Variants in TIGD7 observed in about 807,000 individuals in gnomAD.
TIGD7 encodes tigger transposable element-derived protein 7.
Under a neutral mutation model 24.8 loss-of-function variants are expected in TIGD7, and 26 were observed. That is an observed-to-expected ratio of 1.05 (90% confidence interval 0.77 to 1.45). The LOEUF is 1.45. TIGD7 is among the 40% of genes most tolerant of loss of function. TIGD7 has a pLI of 0.00. For missense variants in TIGD7, 679 were observed against 641.6 expected (o/e 1.06, Z -0.63); for synonymous variants, 221 against 224.1 (o/e 0.99, Z 0.12).
chr16:3,302,626 G>A (rs1959971012), intron 1 of TIGD7, among the ~76,000 whole-genome samples: 1 of 152,146 alleles, frequency 6.6e-6, no homozygotes, highest in East Asian at 1.9e-4. Flanking sequence ...CTATAATTAA[G>A]GCAGTTAGTA....
chr16:3,300,595 T>C lies in TIGD7; in HGVS notation c.20A>G (p.Tyr7Cys). The change falls in exon 2 of 2, where the codon TAT (tyrosine) becomes TGT (cysteine). Residue 7 changes from tyrosine (Y) to cysteine (C), a missense_variant. Tyr to Cys is a radical substitution (Grantham distance 194). Coordinates refer to ENST00000396862, the MANE Select transcript of TIGD7 (RefSeq NM_033208.4). Reference protein sequence around the residue: MNKRGKYTTLNLEEKMK... With the variant: MNKRGKCTTLNLEEKMK... Reference sequence around the variant, plus strand: ...TTTCTCCTCCAAATTCAGTGTTGTATATTTCCCTCTCTTATTCATACTGAA... The same window carrying C: ...TTTCTCCTCCAAATTCAGTGTTGTACATTTCCCTCTCTTATTCATACTGAA... 3 of 1,585,708 alleles carry C rather than the reference T, an allele frequency of 1.9e-6. No individual in the cohort carries two copies. Among genetic ancestry groups the C allele is most frequent in the Non-Finnish European group, 2.6e-6 (3 of 1,167,718 alleles).
rs375576875 is a variant in TIGD7, at chr16:3,303,779, A to C, written c.-1396+1433T>G. The C allele has an allele frequency of 2.0e-5, 3 of 152,318 alleles. No homozygotes were observed. The East Asian group carries it at 5.8e-4, about 29-fold the overall frequency. 9.4% of individuals were successfully genotyped at this position (152,318 alleles called of 1,614,324 possible). ...CTTACCTTAGATGAACTGCCATAGA[A>C]AGCAGCTCAGTCCAAAACGCTCAAA... is the stretch of plus-strand genomic sequence containing the variant. On this transcript the variant is annotated intron_variant, in intron 1 of 1. Coordinates refer to ENST00000396862, the MANE Select transcript of TIGD7 (RefSeq NM_033208.4).
chr16:3,305,334 C>G lies in TIGD7; in HGVS notation c.-1518G>C, dbSNP rs1430411844. ...CCACGCGGTGAGCCGGTACAAGGCC[C>G]TCTAGGCTTCAGCGGGTCTGGATAC... On this transcript the variant is annotated 5_prime_UTR_variant, in exon 1 of 2. Transcript: ENST00000396862. 2 of 152,334 alleles carry G rather than the reference C, an allele frequency of 1.3e-5. No individual in the cohort carries two copies. Among genetic ancestry groups the G allele is most frequent in the Non-Finnish European group, 2.9e-5 (2 of 68,080 alleles). The allele number at this position is 152,334 out of a possible 1,614,324, so 9.4% of individuals were successfully genotyped here. A position where few individuals can be genotyped will look rare whatever the true frequency, so the allele number is the denominator to read the frequency against.
rs1959869724 is a variant in TIGD7 at position 3,299,506 on chromosome 16, T to C, written c.1109A>G (p.Lys370Arg). The C allele has an allele frequency of 1.3e-6, 2 of 1,538,188 alleles. No individual in the cohort carries two copies. Among genetic ancestry groups the C allele is most frequent in the Non-Finnish European group, 1.7e-6 (2 of 1,146,808 alleles). Residue 370 changes from lysine (K) to arginine (R), a missense_variant, in exon 2 of 2, where the codon AAA becomes AGA. Lys to Arg is a conservative substitution (Grantham distance 26). Transcript: ENST00000396862. Reference protein sequence around the residue: ...EQEKGDKGVSKIKIYNIKSAI... With the variant: ...EQEKGDKGVSRIKIYNIKSAI... ...ACTTTTTATATTGTAGATTTTAATT[T>C]TGGAAACTCCTTTATCTCCTTTCTC...
Position 3,299,424 on chromosome 16 carries a change from A to C in TIGD7, c.1191T>G (p.Asn397Lys). 6.4e-7 allele frequency: 1 copy of C among 1,563,248 alleles called. No individual in the cohort carries two copies. The highest frequency in any genetic ancestry group is 8.7e-7 in the Non-Finnish European group (1 of 1,155,566). ...WEEVKQITIA[N>K]AWENLLYKKE... ...TTTTGTAAAGAAGATTTTCCCATGC[A>C]TTTGCTATGGTTATTTGTTTTACTT... The change falls in exon 2 of 2, where the codon AAT becomes AAG. Residue 397 changes from asparagine to lysine, a missense_variant. Coordinates refer to ENST00000396862, the MANE Select transcript of TIGD7 (RefSeq NM_033208.4).
chr16:3,299,771 G>C lies in TIGD7; in HGVS notation c.844C>G (p.Leu282Val). The C allele has an allele frequency of 6.4e-7, 1 of 1,559,374 alleles. No individual in the cohort carries two copies. Among genetic ancestry groups the C allele is most frequent in the Non-Finnish European group, 8.6e-7 (1 of 1,158,388 alleles). ...PEVRHFQLNVLRFHDEDVRAL... is the reference protein window; with the variant it reads ...PEVRHFQLNVVRFHDEDVRAL... The stretch of plus-strand genomic sequence containing the variant: ...CTGACGTCCTCGTCATGAAATCTTA[G>C]AACATTAAGTTGAAAATGTCGGACC... The change falls in exon 2 of 2, where the codon CTA (leucine) becomes GTA (valine). Residue 282 changes from leucine (L) to valine (V), a missense_variant. Transcript: ENST00000396862.
At position 3,300,676 on chromosome 16, in the gene TIGD7, C is replaced by CA. The variant is rs375326931; in HGVS notation, c.-63dup. 4.9e-3 allele frequency: 6,063 copies of CA among 1,237,144 alleles called. 2 individuals carry two copies. The highest frequency in any genetic ancestry group is 0.011 in the South Asian group (600 of 54,496). 76.6% of individuals were successfully genotyped at this position (1,237,144 alleles called of 1,614,324 possible). On this transcript the variant is annotated 5_prime_UTR_variant, in exon 2 of 2. It removes the in-frame stop codon of an upstream open reading frame in the 5' UTR. Transcript: ENST00000396862. The stretch of plus-strand genomic sequence containing the variant: ...AAAGGGAAAAGCCTTAATGAATTGG[C>CA]AAAAAAAAAACCCACATTTTTTAAA...
In TIGD7 at chr16:3,299,013, A is replaced by G. The variant is rs139056404; in HGVS notation, c.1602T>C (p.Asn534=). 3.7e-5 allele frequency: 50 copies of G among 1,355,962 alleles called. No homozygotes were observed. The highest frequency in any genetic ancestry group is 2.9e-5 in the Admixed American group (1 of 34,004). 84.0% of individuals were successfully genotyped at this position (1,355,962 alleles called of 1,614,324 possible). Reference sequence around the variant, plus strand: ...AAGGCCCACTGAAGGAGTCCTTAATATTATGAGGCCTAGGTTTCAAAAAGC... The same window carrying G: ...AAGGCCCACTGAAGGAGTCCTTAATGTTATGAGGCCTAGGTTTCAAAAAGC... The part of the protein sequence containing the change: ...IGSFLKPRPH[N]IKDSFSGPST... Residue 534 remains asparagine, a synonymous_variant, in exon 2 of 2, where the codon AAT becomes AAC. Transcript: ENST00000396862.
chr16:3,300,593 T>C lies in TIGD7; in HGVS notation c.22A>G (p.Thr8Ala). 6.3e-7 allele frequency: 1 copy of C among 1,586,796 alleles called. No homozygotes were observed. ...ATTTTCTCCTCCAAATTCAGTGTTG[T>C]ATATTTCCCTCTCTTATTCATACTG... MNKRGKY[T>A]TLNLEEKMKV... The change falls in exon 2 of 2, where the codon ACA becomes GCA. Residue 8 changes from threonine to alanine, a missense_variant. Coordinates refer to ENST00000396862, the MANE Select transcript of TIGD7 (RefSeq NM_033208.4).
At position 3,299,703 on chromosome 16, in the gene TIGD7, A is replaced by C. The variant is rs1300027456; in HGVS notation, c.912T>G (p.Ser304=). Residue 304 remains serine (S), a synonymous_variant, in exon 2 of 2, where the codon TCT becomes TCG. Transcript: ENST00000396862. The stretch of plus-strand genomic sequence containing the variant: ...GACCATCCTCACTGGTTAGGGATTC[A>C]GAGGAAGGATGAGCCGGGCAACTGT... The part of the protein sequence containing the change: ...LLDSCPAHPS[S]ESLTSEDGRI... 1 of 1,537,412 alleles carries C rather than the reference A, an allele frequency of 6.5e-7. No individual in the cohort carries two copies. The highest frequency in any genetic ancestry group is 2.2e-5 in the Admixed American group (1 of 45,350).
rs1350394782 is a variant in TIGD7 at position 3,301,360 on chromosome 16, C to A, written c.-746G>T. ...AGTTTGTTGTACATATGAATGAAAT[C>A]CAACTTTTATTGCATTCAATATAGT... On this transcript the variant is annotated 5_prime_UTR_variant, in exon 2 of 2. Transcript: ENST00000396862. 6.0e-6 allele frequency: 1 copy of A among 167,068 alleles called. No individual in the cohort carries two copies. Among genetic ancestry groups the A allele is most frequent in the Non-Finnish European group, 1.5e-5 (1 of 68,118 alleles). 10.3% of individuals were successfully genotyped at this position (167,068 alleles called of 1,614,324 possible).
At position 3,300,707 on chromosome 16, in the gene TIGD7, C is replaced by T; in HGVS notation, c.-93G>A. 1 of 1,488,134 alleles carries T rather than the reference C, an allele frequency of 6.7e-7. No homozygotes were observed. The highest frequency in any genetic ancestry group is 8.9e-7 in the Non-Finnish European group (1 of 1,122,900). 92.2% of individuals were successfully genotyped at this position (1,488,134 alleles called of 1,614,324 possible). On this transcript the variant is annotated 5_prime_UTR_variant, in exon 2 of 2. Transcript: ENST00000396862. The stretch of plus-strand genomic sequence containing the variant: ...AAAAACCCACATTTTTTAAACAAAA[C>T]TTAGCTGAAAGCCCCAGAAGGCATG...
In TIGD7 at chr16:3,299,440, T is replaced by G; in HGVS notation, c.1175A>C (p.Gln392Pro). The change falls in exon 2 of 2, where the codon CAA becomes CCA. Residue 392 changes from glutamine (Q) to proline (P), a missense_variant. Gln to Pro is a moderately conservative substitution (Grantham distance 76, BLOSUM62 -1). Transcript: ENST00000396862. Reference protein sequence around the residue: ...NWAKSWEEVKQITIANAWENL... With the variant: ...NWAKSWEEVKPITIANAWENL... Reference sequence around the variant, plus strand: ...TTCCCATGCATTTGCTATGGTTATTTGTTTTACTTCTTCCCAACTTTTTGC... The same window carrying G: ...TTCCCATGCATTTGCTATGGTTATTGGTTTTACTTCTTCCCAACTTTTTGC... The G allele has an allele frequency of 6.4e-7, 1 of 1,561,166 alleles. No homozygotes were observed. Among genetic ancestry groups the G allele is most frequent in the Non-Finnish European group, 8.6e-7 (1 of 1,156,282 alleles).
At position 3,300,748 on chromosome 16, in the gene TIGD7, G is replaced by A; in HGVS notation, c.-134C>T. The A allele has an allele frequency of 7.1e-7, 1 of 1,410,256 alleles. No individual in the cohort carries two copies. The highest frequency in any genetic ancestry group is 2.5e-5 in the East Asian group (1 of 39,678). The allele number at this position is 1,410,256 out of a possible 1,614,324, so 87.4% of individuals were successfully genotyped here. A position where few individuals can be genotyped will look rare whatever the true frequency, so the allele number is the denominator to read the frequency against. On this transcript the variant is annotated 5_prime_UTR_variant, in exon 2 of 2. Coordinates refer to ENST00000396862, the MANE Select transcript of TIGD7 (RefSeq NM_033208.4). ...AGAAGGCATGGGCATTGTATTGGAG[G>A]ATAATGGACTGAAGGGGCTAACCAT...
In TIGD7 at chr16:3,299,879, G is replaced by A; in HGVS notation, c.736C>T (p.Pro246Ser). ...TCTTTACTGGGTTTATATATCACAGGCAATGTACTTGTGTCCTCTTTCACA... is the reference window on the plus strand; with the variant it reads ...TCTTTACTGGGTTTATATATCACAGACAATGTACTTGTGTCCTCTTTCACA... ...KSVKEDTSTL[P>S]VIYKPSKDVW... The change falls in exon 2 of 2, where the codon CCT becomes TCT. Residue 246 changes from proline (P) to serine (S), a missense_variant. Pro to Ser is a moderately conservative substitution (Grantham distance 74). Transcript: ENST00000396862. 1 of 1,602,538 alleles carries A rather than the reference G, an allele frequency of 6.2e-7. No homozygotes were observed. Among genetic ancestry groups the A allele is most frequent in the Non-Finnish European group, 8.5e-7 (1 of 1,174,640 alleles).
In TIGD7 at chr16:3,301,856, C is replaced by T. The variant is rs1273758628; in HGVS notation, c.-1242G>A. On this transcript the variant is annotated 5_prime_UTR_variant, in exon 2 of 2. Transcript: ENST00000396862. ...TGGCAAACTCTTCTGTCCCTCTAGGCCCTCAAATACTCTTTTCGGGTCCTC... is the reference window on the plus strand; with the variant it reads ...TGGCAAACTCTTCTGTCCCTCTAGGTCCTCAAATACTCTTTTCGGGTCCTC... The T allele has an allele frequency of 6.0e-6, 1 of 167,038 alleles. No individual in the cohort carries two copies. The highest frequency in any genetic ancestry group is 1.9e-4 in the East Asian group (1 of 5,194). 10.3% of individuals were successfully genotyped at this position (167,038 alleles called of 1,614,324 possible). A position where few individuals can be genotyped will look rare whatever the true frequency, so the allele number is the denominator to read the frequency against.
At chr16:3,302,838 T>TC (rs1567260358) in intron 1 of TIGD7, among the ~76,000 whole-genome samples, 1 of 147,766 alleles carries the variant, frequency 6.8e-6, no homozygotes, top group East Asian at 1.9e-4. Context: ...GTCGTCTTTT[T>TC]TTTTTTTTTT....
rs574007806 is a variant in TIGD7 at position 3,299,774 on chromosome 16, C to T, written c.841G>A (p.Val281Ile). The change falls in exon 2 of 2, where the codon GTT becomes ATT. Residue 281 changes from valine (V) to isoleucine (I), a missense_variant. Coordinates refer to ENST00000396862, the MANE Select transcript of TIGD7 (RefSeq NM_033208.4). ...VPEVRHFQLNVLRFHDEDVRA... is the reference protein window; with the variant it reads ...VPEVRHFQLNILRFHDEDVRA... Reference sequence around the variant, plus strand: ...ACGTCCTCGTCATGAAATCTTAGAACATTAAGTTGAAAATGTCGGACCTCA... The same window carrying T: ...ACGTCCTCGTCATGAAATCTTAGAATATTAAGTTGAAAATGTCGGACCTCA... 2 of 1,563,346 alleles carry T rather than the reference C, an allele frequency of 1.3e-6. No individual in the cohort carries two copies. The highest frequency in any genetic ancestry group is 2.2e-5 in the East Asian group (1 of 44,634).
At chr16:3,303,075 T>C (rs1306496536) in intron 1 of TIGD7, among the ~76,000 whole-genome samples, 1 of 152,118 alleles carries the variant, frequency 6.6e-6, no homozygotes, top group African/African-American at 2.4e-5. Context: ...TGACCTCAAG[T>C]GATCCACCCA....
Sources: gnomAD v4.1 joint callset for allele counts (sites outside exome capture counted in the v4.1 genomes callset) on GRCh38, gnomAD v4.1.1 for gene constraint, MANE v1.5 for transcripts, NCBI Gene and HGNC (gene_info 2026-07-23, HGNC 2026-07-21) for gene names.